TSPAN7: variants seen among roughly 807,000 people sequenced by gnomAD.
The protein encoded by TSPAN7 is tetraspanin-7.
TSPAN7 carries 1 observed loss-of-function variant against 17.6 expected under a neutral mutation model. The ratio of observed to expected loss-of-function variants is 0.06; its 90% confidence interval spans 0.02 to 0.27. TSPAN7 has a LOEUF of 0.27. Ranked by LOEUF, TSPAN7 falls within the 10% of genes least tolerant of loss-of-function variation. The probability of loss-of-function intolerance (pLI) is 1.00; values close to 1 mark genes in which losing one functional copy is unlikely to be tolerated. For synonymous variants in TSPAN7, 78 were observed against 79.0 expected, an observed-to-expected ratio of 0.99 and a Z score of 0.07; for missense variants, 112 against 201.7, an observed-to-expected ratio of 0.56 and a Z score of 2.69.
chrX:38,565,612 A>AT lies in TSPAN7; in HGVS notation c.81+3990dup, dbSNP rs777830622. Among the ~76,000 whole-genome samples the AT allele has an allele frequency of 6.2e-5, 7 of 112,120 alleles. No homozygotes were observed. The East Asian group carries it at 1.7e-3, about 27-fold the overall frequency. ...GTGTTCGTGAGTTGTTTTAATAGGAATTTTTCCCTTTCATTACCTTAATTT... is the reference window on the plus strand; with the variant it reads ...GTGTTCGTGAGTTGTTTTAATAGGAATTTTTTCCCTTTCATTACCTTAATTT... On this transcript the variant is annotated intron_variant, in intron 1 of 7. Coordinates refer to ENST00000378482, the MANE Select transcript of TSPAN7 (RefSeq NM_004615.4).
chrX:38,574,127 A>T (rs1394247232), intron 1 of TSPAN7, among the ~76,000 whole-genome samples: 2 of 112,490 alleles, frequency 1.8e-5, no homozygotes, highest in African/African-American at 3.2e-5. Context: ...TTCATTCAAC[A>T]AATGTTAAAA....
chrX:38,681,290 A>C lies in TSPAN7; in HGVS notation c.681+3A>C. 1 of 1,202,050 alleles carries C rather than the reference A, an allele frequency of 8.3e-7. No homozygotes were observed. Among genetic ancestry groups the C allele is most frequent in the Non-Finnish European group, 1.1e-6 (1 of 886,733 alleles). On this transcript the variant is annotated splice_donor_region_variant and intron_variant, in intron 6 of 7. Transcript: ENST00000378482. ...CGTTTGGAATCGCATTCTCCCAGGT[A>C]GCCTACATAATTGTGCAGAACCTGG...
chrX:38,564,558 T>G (rs2069131949), intron 1 of TSPAN7, among the ~76,000 whole-genome samples: 1 of 112,336 alleles, frequency 8.9e-6, no homozygotes, highest in South Asian at 3.7e-4. Context: ...TTTGAAGAAC[T>G]GCCAGCCTGT....
Position 38,574,299 on chromosome X carries a change from CT to C in TSPAN7, c.81+12677del, listed in dbSNP as rs746604025. On this transcript the variant is annotated intron_variant, in intron 1 of 7. Coordinates refer to ENST00000378482, the MANE Select transcript of TSPAN7 (RefSeq NM_004615.4). ...ACATTGGAGAAAGAGATAAAATTAT[CT>C]TTTTACAGATGTAGTTGTTGTAAAC... Among the ~76,000 whole-genome samples the C allele has an allele frequency of 4.9e-3, 553 of 112,028 alleles. 3 individuals carry two copies. Among genetic ancestry groups the C allele is most frequent in the African/African-American group, 0.017 (522 of 30,930 alleles).
At chrX:38,595,935 T>C (rs989881606) in intron 1 of TSPAN7, among the ~76,000 whole-genome samples, 1 of 111,398 alleles carries the variant, frequency 9.0e-6, no homozygotes, top group Non-Finnish European at 1.9e-5. Context: ...GAGACTAACG[T>C]TCCTCTGAAT....
At chrX:38,656,863 T>C (rs2069708299) in intron 1 of TSPAN7, among the ~76,000 whole-genome samples, 1 of 111,961 alleles carries the variant, frequency 8.9e-6, no homozygotes, top group South Asian at 3.7e-4. Flanking sequence ...TTTTAAACAT[T>C]TGCTAGGAGA....
chrX:38,649,285 G>C (rs143967317), intron 1 of TSPAN7, among the ~76,000 whole-genome samples: 1,255 of 111,547 alleles, frequency 0.011, 10 homozygotes, highest in Non-Finnish European at 0.017. Flanking sequence ...AGTCAGAAGG[G>C]GGGTGGTGGT....
intron 1 of TSPAN7, among the ~76,000 whole-genome samples, chrX:38,574,694 G>A (rs1182728212): frequency 9.0e-6 from 1 of 110,974 alleles, no homozygotes; most frequent in African/African-American, 3.3e-5. Context: ...TGGGGGAGGG[G>A]GAGGAGATGG....
intron 5 of TSPAN7, among the ~76,000 whole-genome samples, chrX:38,678,860 G>A (rs1189399367): frequency 9.0e-6 from 1 of 111,728 alleles, no homozygotes; most frequent in African/African-American, 3.3e-5. Flanking sequence ...GAAGTGTCGG[G>A]AGATCTGGTT....
intron 1 of TSPAN7, among the ~76,000 whole-genome samples, chrX:38,643,744 C>T (rs1357979512): frequency 9.2e-6 from 1 of 109,172 alleles, no homozygotes; most frequent in Non-Finnish European, 1.9e-5. Flanking sequence ...ACTCAGGAGG[C>T]TGAGGCAGGA....
intron 6 of TSPAN7, among the ~76,000 whole-genome samples, chrX:38,682,834 A>T (rs2069901167): frequency 9.0e-6 from 1 of 111,686 alleles, no homozygotes; most frequent in African/African-American, 3.3e-5. Context: ...CAGCAACATC[A>T]CTCTAATGAC....
chrX:38,646,911 AG>A (rs767852098), intron 1 of TSPAN7, among the ~76,000 whole-genome samples: 226 of 111,643 alleles, frequency 2.0e-3, no homozygotes, highest in Non-Finnish European at 2.7e-3. Context: ...TCCCTCACTG[AG>A]GTCAGAGCTT....
At position 38,595,628 on chromosome X, in the gene TSPAN7, A is replaced by G. The variant is rs1050687832; in HGVS notation, c.81+34001A>G. On this transcript the variant is annotated intron_variant, in intron 1 of 7. Transcript: ENST00000378482. Reference sequence around the variant, plus strand: ...CCATGTGTACTGAAATAAAATTGGTATAAGGAAAATAAAACAGCTATGAAC... The same window carrying G: ...CCATGTGTACTGAAATAAAATTGGTGTAAGGAAAATAAAACAGCTATGAAC... Among the ~76,000 whole-genome samples the G allele has an allele frequency of 8.9e-5, 10 of 112,421 alleles. No individual in the cohort carries two copies. The Admixed American group carries it at 9.4e-4, about 11-fold the overall frequency.
chrX:38,659,069 C>A (rs73198490), intron 1 of TSPAN7, among the ~76,000 whole-genome samples: 1 of 108,382 alleles, frequency 9.2e-6, no homozygotes, highest in African/African-American at 3.4e-5. Flanking sequence ...TACATGTACA[C>A]GAGACAAAAA....
At chrX:38,662,760 G>A (rs2069754917) in intron 1 of TSPAN7, among the ~76,000 whole-genome samples, 2 of 110,917 alleles carry the variant, frequency 1.8e-5, no homozygotes, top group Non-Finnish European at 3.8e-5. Context: ...CATCAGGAGT[G>A]TTTGAGTATG....
chrX:38,686,547 C>T (rs1170443761), intron 6 of TSPAN7, among the ~76,000 whole-genome samples: 1 of 111,810 alleles, frequency 8.9e-6, no homozygotes, highest in Non-Finnish European at 1.9e-5. Flanking sequence ...CCCAGGCGAT[C>T]GTGATGCTCT....
chrX:38,600,189 T>C (rs888485212), intron 1 of TSPAN7, among the ~76,000 whole-genome samples: 4 of 111,503 alleles, frequency 3.6e-5, no homozygotes, highest in Non-Finnish European at 7.6e-5. Context: ...CTCAAGTCAT[T>C]TTAAAAACCA....
chrX:38,623,614 G>C (rs1372553906), intron 1 of TSPAN7, among the ~76,000 whole-genome samples: 1 of 101,161 alleles, frequency 9.9e-6, no homozygotes, highest in Non-Finnish European at 2.0e-5. Flanking sequence ...GTGCAAAAGT[G>C]AGTGAGGGTT....
intron 2 of TSPAN7, among the ~76,000 whole-genome samples, chrX:38,666,691 T>A (rs1265376080): frequency 9.1e-6 from 1 of 109,508 alleles, no homozygotes; most frequent in Non-Finnish European, 1.9e-5. Flanking sequence ...CTCCACCCCC[T>A]GGGTTCATGC....
Sources: allele counts gnomAD v4.1 joint callset (sites outside exome capture counted in the v4.1 genomes callset), GRCh38; gene constraint gnomAD v4.1.1; transcripts MANE v1.5; gene names NCBI Gene and HGNC (gene_info 2026-07-23, HGNC 2026-07-21).